Variants in SMUG1 observed in about 807,000 individuals in gnomAD.
The protein encoded by SMUG1 is single-strand-selective monofunctional uracil-DNA glycosylase 1.
In SMUG1, 13 loss-of-function variants were observed where a neutral mutation model predicts 23.9. The observed-to-expected ratio is 0.54, with a 90% confidence interval of 0.35 to 0.86. The LOEUF is 0.86. Among genes scored for constraint, SMUG1 ranks in the 40% least tolerant of loss-of-function variants. The probability of loss-of-function intolerance (pLI) is 0.01; values close to 1 mark genes in which losing one functional copy is unlikely to be tolerated. For missense variants in SMUG1, 313 were observed against 339.5 expected (o/e 0.92, Z 0.61); for synonymous variants, 133 against 139.8 (o/e 0.95, Z 0.34).
downstream of SMUG1, among the ~76,000 whole-genome samples, chr12:54,176,143 T>C (rs964916890): frequency 6.6e-6 from 1 of 151,536 alleles, no homozygotes; most frequent in Non-Finnish European, 1.5e-5. Flanking sequence ...GGAGAATCGC[T>C]TGAACCCGGG....
chr12:54,160,970 T>A (rs903834960), downstream of SMUG1, among the ~76,000 whole-genome samples: 1 of 152,026 alleles, frequency 6.6e-6, no homozygotes, highest in Non-Finnish European at 1.5e-5. Flanking sequence ...CTCAGAAACA[T>A]GCAAACACTC....
intron 4 of SMUG1, among the ~76,000 whole-genome samples, chr12:54,158,513 C>A (rs1211114110): frequency 6.6e-6 from 1 of 152,078 alleles, no homozygotes; most frequent in Non-Finnish European, 1.5e-5. Flanking sequence ...CACCAGGCAT[C>A]CCATTGCACT....
chr12:54,171,122 C>A (rs920716994), intron 3 of SMUG1, among the ~76,000 whole-genome samples: 4 of 151,840 alleles, frequency 2.6e-5, no homozygotes, highest in African/African-American at 9.7e-5. Context: ...GCCTCAGCAT[C>A]CCAAGTAGCT....
downstream of SMUG1, among the ~76,000 whole-genome samples, chr12:54,163,668 C>A (rs1209515266): frequency 6.6e-6 from 1 of 152,154 alleles, no homozygotes; most frequent in Non-Finnish European, 1.5e-5. Context: ...CTGGAATCGA[C>A]CCCTGTGGTT....
At chr12:54,170,835 G>T (rs1940597422) in intron 3 of SMUG1, among the ~76,000 whole-genome samples, 1 of 152,104 alleles carries the variant, frequency 6.6e-6, no homozygotes, top group African/African-American at 2.4e-5. Flanking sequence ...GGGCTCAAGT[G>T]ATCCTTCCAC....
At chr12:54,179,046 A>C (rs1940820509), downstream of SMUG1, among the ~76,000 whole-genome samples, 1 of 152,102 alleles carries the variant, frequency 6.6e-6, no homozygotes, top group Non-Finnish European at 1.5e-5. Flanking sequence ...TTAGACTCTT[A>C]AGTTCTTCAG....
chr12:54,160,127 A>AC (rs757054420), downstream of SMUG1, among the ~76,000 whole-genome samples: 24 of 151,604 alleles, frequency 1.6e-4, no homozygotes, highest in Middle Eastern at 3.4e-3. Flanking sequence ...ATGGGCAGGG[A>AC]CCCCCCCACC....
At chr12:54,183,516 G>GT (rs1229240107) in intron 3 of SMUG1, 140 bp downstream of exon 3, 1 of 814,666 alleles carries the variant, frequency 1.2e-6, no homozygotes, top group African/African-American at 1.7e-5. Flanking sequence ...ACAGGAGCCA[G>GT]TATATGTGTT....
At chr12:54,163,149 G>A (rs1401739466), downstream of SMUG1, 2 of 152,280 alleles carry the variant, frequency 1.3e-5, no homozygotes, top group Non-Finnish European at 2.9e-5. Flanking sequence ...AGTGCCCACA[G>A]AAATGGGCTT....
chr12:54,161,304 C>T (rs1196647340), downstream of SMUG1, among the ~76,000 whole-genome samples: 5 of 152,180 alleles, frequency 3.3e-5, no homozygotes, highest in African/African-American at 1.2e-4. The surrounding 1 kb of genome is among the most constrained non-coding windows in gnomAD (Gnocchi z 4.2). Flanking sequence ...CCCAGCCGCC[C>T]CGCAAACAAG....
chr12:54,188,267 A>AAATAATAATAATAATAAT (rs869140620), intron 1 of SMUG1, among the ~76,000 whole-genome samples: 7 of 111,560 alleles, frequency 6.3e-5, no homozygotes, highest in African/African-American at 1.9e-4. Flanking sequence ...TCCTTAAACG[A>AAATAATAATAATAATAAT]AATAATAATA....
chr12:54,165,584 A>T (rs1592340989), intron 3 of SMUG1: 1 of 152,082 alleles, frequency 6.6e-6, no homozygotes, highest in South Asian at 2.1e-4. Flanking sequence ...AAGTGGGAAG[A>T]CCCCTTGAGC....
At chr12:54,187,125 T>C (rs1942654297) in intron 2 of SMUG1, 1 of 152,274 alleles carries the variant, frequency 6.6e-6, no homozygotes, top group Non-Finnish European at 1.5e-5. Context: ...CTTTGCACTC[T>C]GCTTGTTTTC....
intron 3 of SMUG1, chr12:54,183,315 C>T (rs1565821517): frequency 2.2e-6 from 1 of 447,750 alleles, no homozygotes. Context: ...TTCTGAGGAC[C>T]CAGCAGTCCT....
At chr12:54,160,941 C>G (rs1317937681), downstream of SMUG1, among the ~76,000 whole-genome samples, 1 of 152,198 alleles carries the variant, frequency 6.6e-6, no homozygotes, top group East Asian at 1.9e-4. Flanking sequence ...CAGTAACACA[C>G]AGTCAACTCA....
At chr12:54,160,437 G>A (rs944848230), downstream of SMUG1, among the ~76,000 whole-genome samples, 1 of 152,188 alleles carries the variant, frequency 6.6e-6, no homozygotes, top group Non-Finnish European at 1.5e-5. Flanking sequence ...TGGCCAGGGG[G>A]AAGGCCTGCT....
At chr12:54,176,509 C>CCCCCCG (rs1555199091), downstream of SMUG1, among the ~76,000 whole-genome samples, 5 of 98,104 alleles carry the variant, frequency 5.1e-5, no homozygotes, top group Admixed American at 9.0e-5. Context: ...AGATCCTGTC[C>CCCCCCG]CCCCCCAAAA....
intron 3 of SMUG1, 33 bp from the exon 4 acceptor site, chr12:54,182,656 A>C (rs1308398777): frequency 1.6e-5 from 26 of 1,576,604 alleles, no homozygotes; most frequent in African/African-American, 6.8e-5. Context: ...GAAAGGCTTC[A>C]AACTGGAGAC....
intron 2 of SMUG1, chr12:54,172,112 G>C (rs928659573): frequency 6.6e-6 from 3 of 454,536 alleles, no homozygotes; most frequent in Non-Finnish European, 1.3e-5. Flanking sequence ...AGAATTTTCT[G>C]TAAAAAGACA....
Sources: allele counts gnomAD v4.1 joint callset (sites outside exome capture counted in the v4.1 genomes callset), GRCh38; gene constraint gnomAD v4.1.1; non-coding constraint Gnocchi (gnomAD v3.1); transcripts MANE v1.5; gene names NCBI Gene and HGNC (gene_info 2026-07-23, HGNC 2026-07-21).